The following SDF4 variants were observed in gnomAD, a reference collection of about 807,000 sequenced individuals.
SDF4 encodes 45 kDa calcium-binding protein.
A neutral mutation model predicts 34.2 loss-of-function variants in SDF4; 22 were observed. The ratio of observed to expected loss-of-function variants is 0.64; its 90% confidence interval spans 0.46 to 0.92. The LOEUF is 0.92. Among genes scored for constraint, SDF4 ranks in the 40% least tolerant of loss-of-function variants. SDF4 has a pLI of 0.00. For synonymous variants in SDF4, 236 were observed against 203.1 expected (o/e 1.16, Z -1.38); for missense variants, 447 against 499.9 (o/e 0.89, Z 1.01).
At chr1:1,226,527 C>CCAGAGGAGA (rs1214123368) in intron 2 of SDF4, among the ~76,000 whole-genome samples, 1 of 152,216 alleles carries the variant, frequency 6.6e-6, no homozygotes, top group Non-Finnish European at 1.5e-5. Flanking sequence ...CCGTTCCAGC[C>CCAGAGGAGA]CAGAGGAGAC....
chr1:1,227,734 T>C (rs1188348902), intron 2 of SDF4, among the ~76,000 whole-genome samples: 1 of 152,176 alleles, frequency 6.6e-6, no homozygotes, highest in Non-Finnish European at 1.5e-5. Flanking sequence ...GTGCAGGACC[T>C]GGCTCCTTGT....
rs561545130 is a variant in SDF4, at chr1:1,223,268, C to T, written c.532G>A (p.Glu178Lys). The T allele has an allele frequency of 3.1e-6, 5 of 1,614,038 alleles. No individual in the cohort carries two copies. Among genetic ancestry groups the T allele is most frequent in the African/African-American group, 1.3e-5 (1 of 75,076 alleles). Residue 178 changes from glutamate to lysine, a missense_variant, in exon 4 of 7, where the codon GAG (glutamate) becomes AAG (lysine). By Grantham distance (56) the Glu-to-Lys change is moderately conservative (BLOSUM62 1). Transcript: ENST00000360001. ...KEVADAIRLN[E>K]ELKVDEETQE... is the part of the protein sequence containing the mutation. Reference sequence around the variant, plus strand: ...CTTTCCTCATCCACTTTGAGTTCCTCGTTGAGCCTGATGGCGTCGGCAACC... The same window carrying T: ...CTTTCCTCATCCACTTTGAGTTCCTTGTTGAGCCTGATGGCGTCGGCAACC...
intron 2 of SDF4, among the ~76,000 whole-genome samples, chr1:1,228,125 G>A (rs1638370825): frequency 6.6e-6 from 1 of 152,248 alleles, no homozygotes; most frequent in Admixed American, 6.5e-5. Flanking sequence ...GCAGCCTGCG[G>A]AGGCTGCCCG....
In SDF4 at chr1:1,218,474, G is replaced by A. The variant is rs771448659; in HGVS notation, c.875C>T (p.Thr292Ile). Reference protein sequence around the residue: ...LIDSNHDGIVTAEELESYMDP... With the variant: ...LIDSNHDGIVIAEELESYMDP... Reference sequence around the variant, plus strand: ...AGGGCTCACCTCCAGCTCCTCGGCGGTCACGATGCCGTCGTGGTTGGAGTC... The same window carrying A: ...AGGGCTCACCTCCAGCTCCTCGGCGATCACGATGCCGTCGTGGTTGGAGTC... The change falls in exon 6 of 7, where the codon ACC (threonine) becomes ATC (isoleucine). Residue 292 changes from threonine (T) to isoleucine (I), a missense_variant. Coordinates refer to ENST00000360001, the MANE Select transcript of SDF4 (RefSeq NM_016176.6). The surrounding 1 kb of genome is among the most constrained non-coding windows in gnomAD (Gnocchi z 7.9). The A allele has an allele frequency of 6.2e-7, 1 of 1,612,268 alleles. No homozygotes were observed. Among genetic ancestry groups the A allele is most frequent in the Non-Finnish European group, 8.5e-7 (1 of 1,179,888 alleles).
intron 4 of SDF4, among the ~76,000 whole-genome samples, chr1:1,222,178 C>A (rs1195464633): frequency 1.3e-5 from 2 of 152,238 alleles, no homozygotes; most frequent in African/African-American, 4.8e-5. Flanking sequence ...GCACGTTCTC[C>A]TCAAAGCCCC....
intron 3 of SDF4, 26 bp downstream of exon 3, chr1:1,223,806 C>T (rs1288177995): frequency 1.3e-6 from 1 of 761,722 alleles, no homozygotes; most frequent in East Asian, 2.7e-5. Flanking sequence ...CCCACCGCCC[C>T]ACCCACCCCG....
chr1:1,223,644 C>T (rs77472198), intron 3 of SDF4, among the ~76,000 whole-genome samples, 188 bp downstream of exon 3: 17,794 of 152,268 alleles, frequency 0.12, 1,202 homozygotes, highest in African/African-American at 0.18. Flanking sequence ...ACACACACCT[C>T]TGTCACCAGG....
intron 2 of SDF4, 62 bp downstream of exon 2, chr1:1,228,406 T>C (rs893896244): frequency 2.9e-5 from 43 of 1,499,706 alleles, no homozygotes; most frequent in Non-Finnish European, 3.1e-5. Flanking sequence ...AAAGCCAGGA[T>C]AGGAACACAC....
Position 1,223,840 on chromosome 1 carries a change from T to C in SDF4, c.434A>G (p.Asp145Gly). 2 of 1,282,154 alleles carry C rather than the reference T, an allele frequency of 1.6e-6. No individual in the cohort carries two copies. The highest frequency in any genetic ancestry group is 1.0e-6 in the Non-Finnish European group (1 of 988,146). The allele number at this position is 1,282,154 out of a possible 1,614,324, so 79.4% of individuals were successfully genotyped here. A position where few individuals can be genotyped will look rare whatever the true frequency, so the allele number is the denominator to read the frequency against. ...SKTHFRAVDP[D>G]GDGHVSWDEY... is the part of the protein sequence containing the mutation. Reference sequence around the variant, plus strand: ...CGGCCCAGCCACAGTACCGTCCCCGTCAGGGTCCACGGCGCGGAAGTGTGT... The same window carrying C: ...CGGCCCAGCCACAGTACCGTCCCCGCCAGGGTCCACGGCGCGGAAGTGTGT... Residue 145 changes from aspartate (D) to glycine (G), a missense_variant, in exon 3 of 7, where the codon GAC becomes GGC. Asp to Gly is a moderately conservative substitution (Grantham distance 94). Coordinates refer to ENST00000360001, the MANE Select transcript of SDF4 (RefSeq NM_016176.6).
At chr1:1,219,225 C>A in intron 4 of SDF4, 2 of 1,237,160 alleles carry the variant, frequency 1.6e-6, no homozygotes, top group Non-Finnish European at 2.1e-6. Context: ...CCCAGACCCC[C>A]AATACATGGA....
At position 1,218,469 on chromosome 1, in the gene SDF4, C is replaced by T. The variant is rs533208929; in HGVS notation, c.880G>A (p.Glu294Lys). Residue 294 changes from glutamate to lysine, a missense_variant, in exon 6 of 7, where the codon GAG becomes AAG. By Grantham distance (56) the Glu-to-Lys change is moderately conservative. Transcript: ENST00000360001. The surrounding 1 kb of genome is among the most constrained non-coding windows in gnomAD (Gnocchi z 7.9). ...GCGCCAGGGCTCACCTCCAGCTCCT[C>T]GGCGGTCACGATGCCGTCGTGGTTG... Reference protein sequence around the residue: ...DSNHDGIVTAEELESYMDPMN... With the variant: ...DSNHDGIVTAKELESYMDPMN... The T allele has an allele frequency of 2.4e-5, 39 of 1,611,594 alleles. No individual in the cohort carries two copies. Among genetic ancestry groups the T allele is most frequent in the African/African-American group, 4.0e-5 (3 of 74,926 alleles).
intron 3 of SDF4, 47 bp downstream of exon 3, chr1:1,223,785 T>TTCCCCCCCCCCCCCCCCCCCCC: frequency 1.8e-6 from 1 of 552,546 alleles, no homozygotes; most frequent in Non-Finnish European, 3.2e-6. Flanking sequence ...CCCATGGCCC[T>TTCCCCCCCCCCCCCCCCCCCCC]GCCCGCCCCG....
intron 2 of SDF4, among the ~76,000 whole-genome samples, chr1:1,225,068 G>A (rs959864672): frequency 6.6e-6 from 1 of 152,330 alleles, no homozygotes; most frequent in South Asian, 2.1e-4. Context: ...CGCAGGCCAG[G>A]TCAGGAGGCC....
At chr1:1,219,646 C>T (rs542573247) in intron 4 of SDF4, 101 of 986,374 alleles carry the variant, frequency 1.0e-4, no homozygotes, top group East Asian at 7.9e-4. Context: ...GCTCTCCTGC[C>T]GTGCCCACCC....
At chr1:1,231,113 T>TA in intron 1 of SDF4, among the ~76,000 whole-genome samples, 1 of 152,294 alleles carries the variant, frequency 6.6e-6, no homozygotes, top group Admixed American at 6.5e-5. Flanking sequence ...GAATAAAAAG[T>TA]AACCCAAAAG....
At chr1:1,223,702 G>T in intron 3 of SDF4, 130 bp downstream of exon 3, 1 of 879,306 alleles carries the variant, frequency 1.1e-6, no homozygotes, top group Non-Finnish European at 1.7e-6. Context: ...CACACCTCGG[G>T]GTCTCCGGCT....
At position 1,228,761 on chromosome 1, in the gene SDF4, C is replaced by A. The variant is rs374754529; in HGVS notation, c.12G>T (p.Arg4Ser). The A allele has an allele frequency of 6.2e-7, 1 of 1,609,640 alleles. No homozygotes were observed. The highest frequency in any genetic ancestry group is 1.3e-5 in the African/African-American group (1 of 74,990). Residue 4 changes from arginine (R) to serine (S), a missense_variant, in exon 2 of 7, where the codon AGG (arginine) becomes AGT (serine). Arg to Ser is a moderately radical substitution (Grantham distance 110). Coordinates refer to ENST00000360001, the MANE Select transcript of SDF4 (RefSeq NM_016176.6). ...GAGCCAGGCCAATGAGGGGACCCCA[C>A]CTGGACGCCATCGCCACCCAGGGCC... MAS[R>S]WGPLIGLAPC...
chr1:1,218,578 G>C lies in SDF4; in HGVS notation c.771C>G (p.Gly257=). 1 of 1,614,084 alleles carries C rather than the reference G, an allele frequency of 6.2e-7. No homozygotes were observed. Residue 257 remains glycine (G), a synonymous_variant, in exon 6 of 7, where the codon GGC becomes GGG. Coordinates refer to ENST00000360001, the MANE Select transcript of SDF4 (RefSeq NM_016176.6). The surrounding 1 kb of genome is among the most constrained non-coding windows in gnomAD (Gnocchi z 7.9). ...CCTGGCCCTGCTGGTTCTCCACGGT[G>C]CCCACGGGCAGGGAGATGAACTCGG... is the stretch of plus-strand genomic sequence containing the variant. The part of the protein sequence containing the change: ...SVPEFISLPV[G]TVENQQGQDI...
Position 1,217,432 on chromosome 1 carries a change from G to C in SDF4, c.*80C>G. 1.6e-6 allele frequency: 2 copies of C among 1,246,822 alleles called. No homozygotes were observed. Among genetic ancestry groups the C allele is most frequent in the African/African-American group, 3.2e-5 (2 of 61,800 alleles). 77.2% of individuals were successfully genotyped at this position (1,246,822 alleles called of 1,614,324 possible). On this transcript the variant is annotated 3_prime_UTR_variant, in exon 7 of 7. Coordinates refer to ENST00000360001, the MANE Select transcript of SDF4 (RefSeq NM_016176.6). The surrounding 1 kb of genome is among the most constrained non-coding windows in gnomAD (Gnocchi z 8.5). ...GGGCGGCAGGGAAGAGGTGGGGTCC[G>C]GGACAGCCACGGAGCCCGGAGTCAC...
Sources: allele counts gnomAD v4.1 joint callset (sites outside exome capture counted in the v4.1 genomes callset), GRCh38; gene constraint gnomAD v4.1.1; non-coding constraint Gnocchi (gnomAD v3.1); transcripts MANE v1.5; gene names NCBI Gene and HGNC (gene_info 2026-07-23, HGNC 2026-07-21).